The following SFMBT2 variants were observed in gnomAD, a reference collection of about 807,000 sequenced individuals.
SFMBT2 encodes Scm like with four mbt domains 2, also known as scm-like with four MBT domains protein 2.
Under a neutral mutation model 110.1 loss-of-function variants are expected in SFMBT2, and 38 were observed. That is an observed-to-expected ratio of 0.35 (90% confidence interval 0.27 to 0.45). SFMBT2 has a LOEUF of 0.45. Among genes scored for constraint, SFMBT2 ranks in the 20% least tolerant of loss-of-function variants. SFMBT2 has a pLI of 1.00. For missense variants in SFMBT2, 1,011 were observed against 1,094.9 expected (o/e 0.92, Z 1.08); for synonymous variants, 425 against 425.4 (o/e 1.00, Z 0.01).
rs537316939 is a variant in SFMBT2, at chr10:7,385,795, C to G, written c.-51-3846G>C. Among the ~76,000 whole-genome samples the G allele has an allele frequency of 6.9e-3, 1,048 of 152,086 alleles. 11 individuals are homozygous for G. Among genetic ancestry groups the G allele is most frequent in the African/African-American group, 0.023 (953 of 41,482 alleles). ...CGGGCGGATCACGAGGTCAGGAGAT[C>G]AAGACCATCCTGGCTAACACGGTGA... On this transcript the variant is annotated intron_variant, in intron 1 of 20. Transcript: ENST00000397167.
chr10:7,398,023 C>T (rs925211392), intron 1 of SFMBT2, among the ~76,000 whole-genome samples: 17 of 152,220 alleles, frequency 1.1e-4, no homozygotes, highest in Non-Finnish European at 1.8e-4. Flanking sequence ...AATTTACTCA[C>T]CATTTTTCAA....
At chr10:7,363,537 G>C (rs541329070) in intron 4 of SFMBT2, among the ~76,000 whole-genome samples, 1 of 152,040 alleles carries the variant, frequency 6.6e-6, no homozygotes, top group South Asian at 2.1e-4. Flanking sequence ...TAGTAGAGAC[G>C]GAGTTTCACC....
rs1289890645 is a variant in SFMBT2, at chr10:7,293,250, T to C, written c.437-7296A>G. Among the ~76,000 whole-genome samples the C allele has an allele frequency of 6.6e-6, 1 of 152,018 alleles. No individual in the cohort carries two copies. The highest frequency in any genetic ancestry group is 1.9e-4 in the East Asian group (1 of 5,146). ...AGTAGCTGGGACTACAGGCACGCCC[T>C]ACCACATCCAGCTAATTTTTGTATT... On this transcript the variant is annotated intron_variant, in intron 4 of 20. Coordinates refer to ENST00000397167, the MANE Select transcript of SFMBT2 (RefSeq NM_001387889.1). This position sits in a 1 kb window ranked among gnomAD's most constrained non-coding sequence, Gnocchi z 4.6.
chr10:7,372,600 T>C (rs1426642082), intron 2 of SFMBT2, among the ~76,000 whole-genome samples: 3 of 152,166 alleles, frequency 2.0e-5, no homozygotes, highest in East Asian at 3.9e-4. Context: ...GTTTAGAGCG[T>C]CACAGACACA....
intron 2 of SFMBT2, among the ~76,000 whole-genome samples, chr10:7,379,329 A>G (rs186822556): frequency 4.6e-5 from 7 of 152,308 alleles, no homozygotes; most frequent in African/African-American, 1.7e-4. Flanking sequence ...AAGTGATTCC[A>G]GGACTGGAAA....
chr10:7,230,735 A>G (rs1840092148), intron 9 of SFMBT2, among the ~76,000 whole-genome samples: 1 of 152,088 alleles, frequency 6.6e-6, no homozygotes, highest in South Asian at 2.1e-4. Flanking sequence ...GAGTTTGAGA[A>G]CAGCCTGACC....
chr10:7,289,590 A>G (rs373309064), intron 4 of SFMBT2, among the ~76,000 whole-genome samples: 2 of 152,344 alleles, frequency 1.3e-5, no homozygotes, highest in East Asian at 3.9e-4. Context: ...TCCATGGTAG[A>G]CGTATCTATA....
In SFMBT2 at chr10:7,171,509, T is replaced by C. The variant is rs532735943; in HGVS notation, c.2415+386A>G. 22 of 985,376 alleles carry C rather than the reference T, an allele frequency of 2.2e-5. No individual in the cohort carries two copies. The South Asian group carries it at 6.6e-4, about 29-fold the overall frequency. 61.0% of individuals were successfully genotyped at this position (985,376 alleles called of 1,614,324 possible). On this transcript the variant is annotated intron_variant, in intron 19 of 20. Coordinates refer to ENST00000397167, the MANE Select transcript of SFMBT2 (RefSeq NM_001387889.1). The surrounding 1 kb of genome is among the most constrained non-coding windows in gnomAD (Gnocchi z 4.9). ...GACCTGAAACACTGATTAAATATTT[T>C]AAAACATCACAGAGGTGTCCTATAG...
chr10:7,195,980 G>GT (rs146173844), intron 15 of SFMBT2, among the ~76,000 whole-genome samples: 2 of 152,142 alleles, frequency 1.3e-5, no homozygotes, highest in Admixed American at 1.3e-4. Context: ...TCAAGCAGAT[G>GT]TTTTTTTAAA....
intron 5 of SFMBT2, chr10:7,284,947 G>A (rs1291645746): frequency 1.3e-5 from 2 of 152,148 alleles, no homozygotes; most frequent in Non-Finnish European, 2.9e-5. Flanking sequence ...AATTAAAATA[G>A]TATCTCTAAT....
At chr10:7,250,764 T>C (rs1441384489) in intron 7 of SFMBT2, among the ~76,000 whole-genome samples, 2 of 152,264 alleles carry the variant, frequency 1.3e-5, no homozygotes, top group African/African-American at 2.4e-5. Context: ...GACTTTTTAA[T>C]AACAGCCATT....
intron 2 of SFMBT2, 98 bp downstream of exon 2, chr10:7,381,701 A>T: frequency 7.8e-7 from 1 of 1,281,374 alleles, no homozygotes; most frequent in Non-Finnish European, 1.1e-6. Flanking sequence ...ACAGTATGTG[A>T]GATCTACAAA....
At chr10:7,364,254 G>C (rs78143523) in intron 4 of SFMBT2, among the ~76,000 whole-genome samples, 8,021 of 152,030 alleles carry the variant, frequency 0.053, 245 homozygotes, top group Non-Finnish European at 0.065. Flanking sequence ...AAATATCACT[G>C]AAGAATTCCT....
chr10:7,378,212 GTGTGAT>G (rs1564466354), intron 2 of SFMBT2, among the ~76,000 whole-genome samples: 85 of 18,494 alleles, frequency 4.6e-3, no homozygotes, highest in African/African-American at 0.014. Context: ...ATGTGTGGAT[GTGTGAT>G]GGATGGGTGT....
intron 2 of SFMBT2, among the ~76,000 whole-genome samples, chr10:7,374,168 A>C (rs1466624830): frequency 1.3e-5 from 2 of 152,192 alleles, no homozygotes; most frequent in Non-Finnish European, 2.9e-5. Flanking sequence ...AGGCTGGGGC[A>C]GGAGAATCAC....
intron 4 of SFMBT2, among the ~76,000 whole-genome samples, chr10:7,312,297 G>A (rs532323861): frequency 1.3e-5 from 2 of 152,232 alleles, no homozygotes; most frequent in East Asian, 3.9e-4. Flanking sequence ...CATCAACAGG[G>A]CTCTAGAGGT....
In SFMBT2 at chr10:7,164,022, T is replaced by G. The variant is rs1217343540; in HGVS notation, c.2545-112A>C. On this transcript the variant is annotated intron_variant, in intron 20 of 20. Coordinates refer to ENST00000397167, the MANE Select transcript of SFMBT2 (RefSeq NM_001387889.1). ...AACATGACAACAGGATGCTCTTGTTTCATTCAATTCAGGGGATTGTTGGTA... is the reference window on the plus strand; with the variant it reads ...AACATGACAACAGGATGCTCTTGTTGCATTCAATTCAGGGGATTGTTGGTA... 14 of 1,425,876 alleles carry G rather than the reference T, an allele frequency of 9.8e-6. No individual in the cohort carries two copies. The East Asian group carries it at 3.4e-4, about 35-fold the overall frequency. 88.3% of individuals were successfully genotyped at this position (1,425,876 alleles called of 1,614,324 possible). A position where few individuals can be genotyped will look rare whatever the true frequency, so the allele number is the denominator to read the frequency against.
chr10:7,163,738 C>T lies in SFMBT2; in HGVS notation c.*32G>A, dbSNP rs1248645035. The T allele has an allele frequency of 6.3e-7, 1 of 1,596,916 alleles. No homozygotes were observed. The highest frequency in any genetic ancestry group is 8.6e-7 in the Non-Finnish European group (1 of 1,166,262). The stretch of plus-strand genomic sequence containing the variant: ...GGAAACCTTTACCAACACCGCATCC[C>T]AGCAATAATGGGCCACCTCCCGAGG... On this transcript the variant is annotated 3_prime_UTR_variant, in exon 21 of 21. Coordinates refer to ENST00000397167, the MANE Select transcript of SFMBT2 (RefSeq NM_001387889.1). The surrounding 1 kb of genome is among the most constrained non-coding windows in gnomAD (Gnocchi z 4.8).
At chr10:7,397,957 G>A (rs142302431) in intron 1 of SFMBT2, among the ~76,000 whole-genome samples, 1 of 152,326 alleles carries the variant, frequency 6.6e-6, no homozygotes, top group African/African-American at 2.4e-5. Context: ...CGGGGCAGGA[G>A]TTCACCTTGC....
Sources: allele counts gnomAD v4.1 joint callset (sites outside exome capture counted in the v4.1 genomes callset), GRCh38; gene constraint gnomAD v4.1.1; non-coding constraint Gnocchi (gnomAD v3.1); transcripts MANE v1.5; gene names NCBI Gene and HGNC (gene_info 2026-07-23, HGNC 2026-07-21).